Variants in SYN3 observed in about 807,000 individuals in gnomAD.
SYN3 encodes the protein synapsin-3.
In SYN3, 35 loss-of-function variants were observed where a neutral mutation model predicts 65.8. The observed-to-expected ratio is 0.53, with a 90% CI of 0.41 to 0.70. The LOEUF is 0.70. Among genes scored for constraint, SYN3 ranks in the 30% least tolerant of loss-of-function variants. The pLI is 0.00. For missense variants in SYN3, 680 were observed against 749.0 expected (o/e 0.91, Z 1.08); for synonymous variants, 270 against 292.9 (o/e 0.92, Z 0.80).
At chr22:32,574,719 A>C (rs1252153961) in intron 7 of SYN3, among the ~76,000 whole-genome samples, 3 of 152,210 alleles carry the variant, frequency 2.0e-5, no homozygotes, top group Non-Finnish European at 2.9e-5. Flanking sequence ...CTCTCGCTGC[A>C]GCCAGTCCCA....
rs576829178 is a variant in SYN3, at chr22:32,958,538, T to A, written c.369+22107A>T. On this transcript the variant is annotated intron_variant, in intron 3 of 13. Transcript: ENST00000358763. ...ATACTATCCATAGTTCCAGTGACAATATAATAATTATTACATACTATATTT... is the reference window on the plus strand; with the variant it reads ...ATACTATCCATAGTTCCAGTGACAAAATAATAATTATTACATACTATATTT... Among the ~76,000 whole-genome samples the A allele has an allele frequency of 1.1e-4, 17 of 152,346 alleles. 1 individual carries two copies. The South Asian group carries it at 3.3e-3, about 30-fold the overall frequency.
intron 6 of SYN3, among the ~76,000 whole-genome samples, chr22:32,686,242 T>C (rs1601912314): frequency 1.3e-5 from 2 of 152,276 alleles, no homozygotes; most frequent in East Asian, 1.9e-4. Context: ...ACAGGTGTCA[T>C]GTGGGGCATG....
chr22:33,013,449 AAGC>A (rs1265327086), intron 1 of SYN3, among the ~76,000 whole-genome samples: 1 of 152,212 alleles, frequency 6.6e-6, no homozygotes, highest in Non-Finnish European at 1.5e-5. Flanking sequence ...TTCAATTGAC[AAGC>A]AATAATTATA....
chr22:32,736,723 C>T (rs1228735107), intron 6 of SYN3, among the ~76,000 whole-genome samples: 1 of 152,036 alleles, frequency 6.6e-6, no homozygotes, highest in Non-Finnish European at 1.5e-5. Context: ...ATTTTACAGA[C>T]TGAGAAACAG....
At chr22:32,631,955 T>C (rs2059752733) in intron 6 of SYN3, among the ~76,000 whole-genome samples, 1 of 152,218 alleles carries the variant, frequency 6.6e-6, no homozygotes, top group Non-Finnish European at 1.5e-5. Flanking sequence ...GGAATTTGCC[T>C]TTGGCTCTTA....
intron 3 of SYN3, among the ~76,000 whole-genome samples, chr22:32,965,963 G>C (rs529841564): frequency 6.6e-6 from 1 of 152,100 alleles, no homozygotes; most frequent in Non-Finnish European, 1.5e-5. Flanking sequence ...CAAAGTGCTG[G>C]GATTACAGGC....
chr22:32,713,095 G>T (rs999446616), intron 6 of SYN3, among the ~76,000 whole-genome samples: 1 of 152,088 alleles, frequency 6.6e-6, no homozygotes, highest in East Asian at 1.9e-4. Flanking sequence ...CAGGACAGAT[G>T]CTTGGTCATT....
intron 4 of SYN3, among the ~76,000 whole-genome samples, chr22:32,926,503 C>T (rs1016744677): frequency 3.9e-5 from 6 of 152,032 alleles, no homozygotes; most frequent in Non-Finnish European, 8.8e-5. Context: ...AAATTACTTC[C>T]TTTTCCCTAG....
intron 6 of SYN3, among the ~76,000 whole-genome samples, chr22:32,823,507 A>G (rs1296811660): frequency 1.3e-5 from 2 of 152,196 alleles, no homozygotes; most frequent in African/African-American, 4.8e-5. Context: ...GCCAGGGTCC[A>G]GTGGATTAGC....
At chr22:32,859,305 G>C in intron 6 of SYN3, 1 of 1,614,134 alleles carries the variant, frequency 6.2e-7, no homozygotes, top group South Asian at 1.1e-5. Flanking sequence ...TCCGGCAGAA[G>C]GGCGGCTACT....
intron 6 of SYN3, among the ~76,000 whole-genome samples, chr22:32,657,326 T>G (rs974146906): frequency 6.6e-6 from 1 of 152,010 alleles, no homozygotes; most frequent in Non-Finnish European, 1.5e-5. Context: ...GGTTTCACCA[T>G]GTTAGCCAGG....
intron 4 of SYN3, among the ~76,000 whole-genome samples, chr22:32,898,857 C>A (rs1768999567): frequency 6.6e-6 from 1 of 152,156 alleles, no homozygotes; most frequent in Non-Finnish European, 1.5e-5. Flanking sequence ...AATCCCAACA[C>A]TTTGGGAGGC....
At chr22:32,653,415 C>T (rs976908518) in intron 6 of SYN3, among the ~76,000 whole-genome samples, 2 of 151,860 alleles carry the variant, frequency 1.3e-5, no homozygotes, top group African/African-American at 2.4e-5. Context: ...CTTGTGCTGC[C>T]AATGAAAAAT....
intron 6 of SYN3, among the ~76,000 whole-genome samples, chr22:32,835,013 G>A (rs1056220410): frequency 4.6e-5 from 7 of 152,306 alleles, no homozygotes; most frequent in Admixed American, 1.3e-4. Context: ...GTCAGTCTTG[G>A]TCTGATTGCT....
At chr22:32,756,043 G>C (rs1479250537) in intron 6 of SYN3, among the ~76,000 whole-genome samples, 1 of 151,550 alleles carries the variant, frequency 6.6e-6, no homozygotes, top group Non-Finnish European at 1.5e-5. Context: ...GACACAGGGA[G>C]AGGAACATCA....
chr22:33,013,369 G>A (rs1329551779), intron 1 of SYN3, among the ~76,000 whole-genome samples: 1 of 152,078 alleles, frequency 6.6e-6, no homozygotes, highest in Non-Finnish European at 1.5e-5. Flanking sequence ...AATTCACTTG[G>A]GGCAGGACTT....
chr22:32,650,225 C>T (rs375713483), intron 6 of SYN3, among the ~76,000 whole-genome samples: 2,547 of 125,362 alleles, frequency 0.02, 155 homozygotes, highest in African/African-American at 0.071. Flanking sequence ...TTCTCTCTCT[C>T]TCTCTCTCCC....
chr22:32,994,699 G>T (rs542384366), intron 2 of SYN3, among the ~76,000 whole-genome samples: 1 of 152,104 alleles, frequency 6.6e-6, no homozygotes, highest in Non-Finnish European at 1.5e-5. Context: ...TCCTCACAGC[G>T]GAGGGACTGC....
chr22:33,018,380 G>C (rs1336600777), intron 1 of SYN3, among the ~76,000 whole-genome samples: 1 of 152,182 alleles, frequency 6.6e-6, no homozygotes, highest in African/African-American at 2.4e-5. Flanking sequence ...AGACGGGCTG[G>C]GATAGAACCC....
Sources: gnomAD v4.1 joint callset for allele counts (sites outside exome capture counted in the v4.1 genomes callset) on GRCh38, gnomAD v4.1.1 for gene constraint, MANE v1.5 for transcripts, NCBI Gene and HGNC (gene_info 2026-07-23, HGNC 2026-07-21) for gene names.